Variants in CHSY3 observed in about 807,000 individuals in gnomAD.
CHSY3 encodes the protein chondroitin sulfate synthase 3.
In CHSY3, 35 loss-of-function variants were observed where a neutral mutation model predicts 67.2. The observed-to-expected ratio is 0.52, with a 90% confidence interval of 0.40 to 0.69. CHSY3 has a LOEUF of 0.69. Among genes scored for constraint, CHSY3 ranks in the 30% least tolerant of loss-of-function variants. The pLI is 0.00. For missense variants in CHSY3, 1,069 were observed against 1,138.5 expected, an observed-to-expected ratio of 0.94 and a Z score of 0.88; for synonymous variants, 474 against 434.7, an observed-to-expected ratio of 1.09 and a Z score of -1.12.
intron 2 of CHSY3, among the ~76,000 whole-genome samples, chr5:129,956,350 T>C (rs1222319434): frequency 2.0e-5 from 3 of 152,134 alleles, no homozygotes; most frequent in African/African-American, 7.2e-5. Context: ...CGTATGTAGG[T>C]CTTTTTTTGG....
chr5:130,184,819 T>C lies in CHSY3; in HGVS notation c.1677T>C (p.Arg559=), dbSNP rs760177180. 5.0e-6 allele frequency: 8 copies of C among 1,610,954 alleles called. No individual in the cohort carries two copies. Among genetic ancestry groups the C allele is most frequent in the Non-Finnish European group, 6.8e-6 (8 of 1,177,202 alleles). Residue 559 remains arginine (R), a synonymous_variant, in exon 3 of 3, where the codon CGT becomes CGC. Transcript: ENST00000305031. ...KGRKLTVPVR[R]HAYLQQLFSK... The stretch of plus-strand genomic sequence containing the variant: ...GGAAACTGACTGTGCCAGTGAGACG[T>C]CATGCCTATCTTCAGCAGTTGTTCA...
intron 2 of CHSY3, among the ~76,000 whole-genome samples, chr5:130,032,025 T>C (rs986567250): frequency 2.6e-5 from 4 of 152,178 alleles, no homozygotes; most frequent in Non-Finnish European, 5.9e-5. Flanking sequence ...CATTCGATGA[T>C]GAATTCAGTA....
intron 2 of CHSY3, among the ~76,000 whole-genome samples, chr5:130,131,553 T>C (rs546790736): frequency 6.6e-6 from 1 of 152,258 alleles, no homozygotes; most frequent in South Asian, 2.1e-4. Flanking sequence ...TAAATACTAC[T>C]AATATAGTCA....
chr5:130,020,448 TATATATATA>T (rs1235859819), intron 2 of CHSY3, among the ~76,000 whole-genome samples: 14 of 9,570 alleles, frequency 1.5e-3, no homozygotes, highest in Admixed American at 2.6e-3. Context: ...TATATATATA[TATATATATA>T]TATATTTTTT....
At chr5:130,059,989 CA>C (rs1414433801) in intron 2 of CHSY3, among the ~76,000 whole-genome samples, 4 of 143,532 alleles carry the variant, frequency 2.8e-5, no homozygotes, top group Non-Finnish European at 3.1e-5. Context: ...TGAAGATGTA[CA>C]AAAAAAAAAC....
chr5:130,007,131 T>C (rs1763900134), intron 2 of CHSY3, among the ~76,000 whole-genome samples: 1 of 152,224 alleles, frequency 6.6e-6, no homozygotes, highest in East Asian at 1.9e-4. Flanking sequence ...TATACCATGT[T>C]GTTATGTGTT....
chr5:129,911,172 A>G (rs1158028469), intron 2 of CHSY3, among the ~76,000 whole-genome samples: 2 of 151,722 alleles, frequency 1.3e-5, no homozygotes, highest in Non-Finnish European at 2.9e-5. Flanking sequence ...TAAATAAAAT[A>G]TATAATTGTA....
intron 2 of CHSY3, among the ~76,000 whole-genome samples, chr5:130,058,996 G>C (rs1464807945): frequency 6.6e-6 from 1 of 152,126 alleles, no homozygotes; most frequent in Non-Finnish European, 1.5e-5. Flanking sequence ...TTGATTTTTT[G>C]TATGGGTCAA....
At chr5:130,103,814 A>T (rs1290022215) in intron 2 of CHSY3, among the ~76,000 whole-genome samples, 4 of 152,024 alleles carry the variant, frequency 2.6e-5, no homozygotes, top group Admixed American at 1.3e-4. Context: ...TTCACTCTGA[A>T]TAAAATATTA....
chr5:129,982,011 A>G (rs1763033191), intron 2 of CHSY3, among the ~76,000 whole-genome samples: 2 of 152,058 alleles, frequency 1.3e-5, no homozygotes, highest in Admixed American at 1.3e-4. Context: ...TTGATTTTTT[A>G]ATGTTGAACC....
chr5:130,099,831 C>T (rs1206385403), intron 2 of CHSY3, among the ~76,000 whole-genome samples: 1 of 152,128 alleles, frequency 6.6e-6, no homozygotes, highest in Non-Finnish European at 1.5e-5. Context: ...TAAAGCCAAC[C>T]TCTACCGAGC....
intron 2 of CHSY3, chr5:130,141,253 C>T: frequency 4.2e-6 from 2 of 475,850 alleles, no homozygotes; most frequent in South Asian, 1.8e-5. Context: ...AGAGTCATGA[C>T]TGTCCTCATT....
intron 2 of CHSY3, among the ~76,000 whole-genome samples, chr5:129,926,610 C>CT (rs139482315): frequency 0.015 from 2,300 of 150,810 alleles, 50 homozygotes; most frequent in African/African-American, 0.052. Context: ...TTTGGTTTCC[C>CT]TTTTTTTTTA....
chr5:130,125,264 C>G (rs1768229967), intron 2 of CHSY3, among the ~76,000 whole-genome samples: 1 of 152,030 alleles, frequency 6.6e-6, no homozygotes, highest in Non-Finnish European at 1.5e-5. Flanking sequence ...AAAAATTAAA[C>G]AAATCAGCTG....
chr5:130,083,971 AT>A (rs991483364), intron 2 of CHSY3, among the ~76,000 whole-genome samples: 5 of 151,526 alleles, frequency 3.3e-5, no homozygotes, highest in African/African-American at 7.3e-5. Context: ...AGAAATATGC[AT>A]TTTTTTCAAA....
chr5:130,096,110 T>C (rs986592883), intron 2 of CHSY3, among the ~76,000 whole-genome samples: 1 of 152,208 alleles, frequency 6.6e-6, no homozygotes, highest in East Asian at 1.9e-4. Flanking sequence ...AAATGCAATA[T>C]GGGATCTTGA....
At chr5:130,107,442 AGT>A (rs61527103) in intron 2 of CHSY3, among the ~76,000 whole-genome samples, 47 of 149,158 alleles carry the variant, frequency 3.2e-4, no homozygotes, top group Admixed American at 4.0e-4. Flanking sequence ...TTACGGGGCT[AGT>A]GTGTGTGTGT....
At position 130,185,026 on chromosome 5, in the gene CHSY3, C is replaced by A; in HGVS notation, c.1884C>A (p.Ile628=). 3 of 1,580,172 alleles carry A rather than the reference C, an allele frequency of 1.9e-6. No individual in the cohort carries two copies. The highest frequency in any genetic ancestry group is 1.1e-5 in the South Asian group (1 of 90,344). ...AAGTACACATTCTCGTTCCTCTCAT[C>A]GGAAGGTATGACATTTTCTTGAGAT... is the stretch of plus-strand genomic sequence containing the variant. ...EKKVHILVPL[I]GRYDIFLRFM... is the part of the protein sequence containing the mutation. The change falls in exon 3 of 3, where the codon ATC becomes ATA. Residue 628 remains isoleucine (I), a synonymous_variant. Coordinates refer to ENST00000305031, the MANE Select transcript of CHSY3 (RefSeq NM_175856.5).
intron 2 of CHSY3, among the ~76,000 whole-genome samples, chr5:130,110,724 CT>C (rs926908599): frequency 6.6e-6 from 1 of 151,554 alleles, no homozygotes; most frequent in Non-Finnish European, 1.5e-5. Flanking sequence ...CATATAATAC[CT>C]TTTTATATTT....
Sources: gnomAD v4.1 joint callset for allele counts (sites outside exome capture counted in the v4.1 genomes callset) on GRCh38, gnomAD v4.1.1 for gene constraint, MANE v1.5 for transcripts, NCBI Gene and HGNC (gene_info 2026-07-23, HGNC 2026-07-21) for gene names.